FAM177B: variants seen among roughly 807,000 people sequenced by gnomAD.
The protein encoded by FAM177B is family with sequence similarity 177 member B.
FAM177B carries 16 observed loss-of-function variants against 16.1 expected under a neutral mutation model. That is an observed-to-expected ratio of 0.99 (90% confidence interval 0.67 to 1.51). The LOEUF (loss-of-function observed/expected upper bound fraction) is 1.51, where lower values mean the gene tolerates loss of function less well. Ranked by LOEUF, FAM177B falls within the 40% of genes most tolerant of loss-of-function variation. The pLI, the probability that FAM177B is intolerant of heterozygous loss-of-function variation, is 0.00. For synonymous variants in FAM177B, 56 were observed against 59.9 expected (o/e 0.93, Z 0.30); for missense variants, 178 against 183.7 (o/e 0.97, Z 0.18).
chr1:222,743,217 G>C (rs1036423319), intron 2 of FAM177B, among the ~76,000 whole-genome samples: 2 of 152,004 alleles, frequency 1.3e-5, no homozygotes, highest in African/African-American at 4.8e-5. Flanking sequence ...GCATGATCTC[G>C]GCTCACTGCA....
At position 222,740,132 on chromosome 1, in the gene FAM177B, T is replaced by C. The variant is rs145332107; in HGVS notation, c.-16+2111T>C. 1.5e-3 allele frequency among the ~76,000 whole-genome samples: 224 copies of C among 152,346 alleles called. 6 individuals carry two copies. The South Asian group carries it at 0.021, about 14-fold the overall frequency. On this transcript the variant is annotated intron_variant, in intron 2 of 5. Transcript: ENST00000445590. Reference sequence around the variant, plus strand: ...AGATACCACATCACCTTGCTGTGGATGACAAATGTAACCTTTGGCAGATCT... The same window carrying C: ...AGATACCACATCACCTTGCTGTGGACGACAAATGTAACCTTTGGCAGATCT...
In FAM177B at chr1:222,750,251, G is replaced by A. The variant is rs1389286838; in HGVS notation, c.*193G>A. On this transcript the variant is annotated 3_prime_UTR_variant, in exon 6 of 6. Coordinates refer to ENST00000445590, the MANE Select transcript of FAM177B (RefSeq NM_001394345.1). ...GCATCCAGGAATTACAAGCAATAAT[G>A]AGAGTAATTTTGGACACTTTCTCAG... The A allele has an allele frequency of 3.6e-6, 5 of 1,388,434 alleles. No homozygotes were observed. The highest frequency in any genetic ancestry group is 4.6e-6 in the Non-Finnish European group (5 of 1,076,512). 86.0% of individuals were successfully genotyped at this position (1,388,434 alleles called of 1,614,324 possible).
At chr1:222,743,174 G>A (rs1307486080) in intron 2 of FAM177B, among the ~76,000 whole-genome samples, 1 of 152,062 alleles carries the variant, frequency 6.6e-6, no homozygotes, top group African/African-American at 2.4e-5. Flanking sequence ...TTGAGACAGT[G>A]TCTCACTCTG....
chr1:222,746,511 C>T lies in FAM177B; in HGVS notation c.-15-20C>T, dbSNP rs190923475. ...GCTCTGGGTAACTTGCCCTAAGGTG[C>T]CCTGTTTTTAATTTTCTAGTTGTTT... On this transcript the variant is annotated intron_variant, in intron 2 of 5. Transcript: ENST00000445590. 2.0e-4 allele frequency: 277 copies of T among 1,415,350 alleles called. No individual in the cohort carries two copies. The highest frequency in any genetic ancestry group is 1.3e-3 in the Admixed American group (69 of 53,046). The allele number at this position is 1,415,350 out of a possible 1,614,324, so 87.7% of individuals were successfully genotyped here. A position where few individuals can be genotyped will look rare whatever the true frequency, so the allele number is the denominator to read the frequency against.
chr1:222,739,281 C>G (rs931385217), intron 2 of FAM177B, among the ~76,000 whole-genome samples: 1 of 152,070 alleles, frequency 6.6e-6, no homozygotes, highest in Non-Finnish European at 1.5e-5. Flanking sequence ...AGCAAGAAAG[C>G]CTCTTGGAAA....
rs1328267429 is a variant in FAM177B, at chr1:222,750,740, A to G, written c.*682A>G. ...CCTGGAAAGATCGAACATGGAAATC[A>G]TTGTTAGATAACACAGGGTGTGCTG... On this transcript the variant is annotated 3_prime_UTR_variant, in exon 6 of 6. Coordinates refer to ENST00000445590, the MANE Select transcript of FAM177B (RefSeq NM_001394345.1). The G allele has an allele frequency of 1.4e-5, 4 of 288,778 alleles. No individual in the cohort carries two copies. The highest frequency in any genetic ancestry group is 2.1e-5 in the Non-Finnish European group (4 of 193,516). 17.9% of individuals were successfully genotyped at this position (288,778 alleles called of 1,614,324 possible).
At chr1:222,739,129 A>G (rs1381240098) in intron 2 of FAM177B, among the ~76,000 whole-genome samples, 1 of 152,198 alleles carries the variant, frequency 6.6e-6, no homozygotes. Context: ...CGTATGTTTC[A>G]TTTGGTTTGG....
At position 222,746,702 on chromosome 1, in the gene FAM177B, A is replaced by G; in HGVS notation, c.157A>G (p.Asn53Asp). 6.2e-7 allele frequency: 1 copy of G among 1,611,696 alleles called. No homozygotes were observed. Among genetic ancestry groups the G allele is most frequent in the Non-Finnish European group, 8.5e-7 (1 of 1,178,606 alleles). Reference protein sequence around the residue: ...EEEEKEEQSTNSTLDPSKLSW... With the variant: ...EEEEKEEQSTDSTLDPSKLSW... Reference sequence around the variant, plus strand: ...AGAGGAAAAGGAGGAGCAGAGCACAAATTCAACACTTGACCCTGTAAGCTT... The same window carrying G: ...AGAGGAAAAGGAGGAGCAGAGCACAGATTCAACACTTGACCCTGTAAGCTT... The change falls in exon 3 of 6, where the codon AAT (asparagine) becomes GAT (aspartate). Residue 53 changes from asparagine to aspartate, a missense_variant. Coordinates refer to ENST00000445590, the MANE Select transcript of FAM177B (RefSeq NM_001394345.1).
intron 2 of FAM177B, chr1:222,742,566 G>C (rs1222748290): frequency 6.6e-6 from 1 of 152,116 alleles, no homozygotes; most frequent in Non-Finnish European, 1.5e-5. Context: ...GCAAGATAAT[G>C]TCCTGTCTTC....
Position 222,747,005 on chromosome 1 carries a change from CT to C in FAM177B, c.175-4del. 6.3e-7 allele frequency: 1 copy of C among 1,593,640 alleles called. No individual in the cohort carries two copies. The highest frequency in any genetic ancestry group is 8.6e-7 in the Non-Finnish European group (1 of 1,161,504). On this transcript the variant is annotated splice_polypyrimidine_tract_variant and intron_variant, in intron 3 of 5. Transcript: ENST00000445590. ...ATTAACTACTCTATCTCAATTTCTCCTTTTTTCAGTCTAAACTTTCCTGGGG... is the reference window on the plus strand; with the variant it reads ...ATTAACTACTCTATCTCAATTTCTCCTTTTTCAGTCTAAACTTTCCTGGGG...
chr1:222,737,602 C>T (rs1466839072), intron 1 of FAM177B, among the ~76,000 whole-genome samples: 2 of 152,076 alleles, frequency 1.3e-5, no homozygotes, highest in South Asian at 2.1e-4. Context: ...TACAAGATGG[C>T]GTCAGAAAGC....
At chr1:222,744,871 C>T (rs1186206584) in intron 2 of FAM177B, among the ~76,000 whole-genome samples, 3 of 152,186 alleles carry the variant, frequency 2.0e-5, no homozygotes, top group Non-Finnish European at 4.4e-5. Flanking sequence ...AAGTAACCGA[C>T]ATTATGATCA....
chr1:222,749,370 T>C, intron 4 of FAM177B, 95 bp from the exon 5 acceptor site: 1 of 684,364 alleles, frequency 1.5e-6, no homozygotes, highest in East Asian at 2.6e-5. Context: ...CCACTATTAC[T>C]ATACTATCAG....
Position 222,743,137 on chromosome 1 carries a change from CTTTGTT to C in FAM177B, c.-15-3372_-15-3367del, listed in dbSNP as rs376849610. The stretch of plus-strand genomic sequence containing the variant: ...CACATCCTCAGCAGGCATTTGTTGG[CTTTGTT>C]TTTGTTTTTGTTTTTGTTTTTTGAG... On this transcript the variant is annotated intron_variant, in intron 2 of 5. Transcript: ENST00000445590. Among the ~76,000 whole-genome samples the C allele has an allele frequency of 7.1e-3, 1,076 of 151,984 alleles. 8 individuals are homozygous for C. Among genetic ancestry groups the C allele is most frequent in the African/African-American group, 0.024 (989 of 41,456 alleles).
At position 222,750,027 on chromosome 1, in the gene FAM177B, A is replaced by T. The variant is rs893334575; in HGVS notation, c.446A>T (p.Gln149Leu). The T allele has an allele frequency of 7.4e-6, 12 of 1,613,958 alleles. No homozygotes were observed. The highest frequency in any genetic ancestry group is 1.0e-5 in the Non-Finnish European group (12 of 1,179,986). The part of the protein sequence containing the change: ...EAGVQEYGTI[Q>L]QDVTEAIPQ ...GGGGTCCAAGAGTATGGAACCATAC[A>T]ACAGGATGTGACAGAGGCCATTCCT... The change falls in exon 6 of 6, where the codon CAA (glutamine) becomes CTA (leucine). Residue 149 changes from glutamine (Q) to leucine (L), a missense_variant. By Grantham distance (113) the Gln-to-Leu change is moderately radical. Coordinates refer to ENST00000445590, the MANE Select transcript of FAM177B (RefSeq NM_001394345.1).
At chr1:222,746,916 A>G in intron 3 of FAM177B, 99 bp from the exon 4 acceptor site, 1 of 964,670 alleles carries the variant, frequency 1.0e-6, no homozygotes, top group Non-Finnish European at 1.7e-6. Context: ...AGAAAATGGA[A>G]CATATTATAT....
intron 4 of FAM177B, among the ~76,000 whole-genome samples, chr1:222,748,373 G>T (rs1389244674): frequency 1.3e-5 from 2 of 152,214 alleles, no homozygotes; most frequent in African/African-American, 2.4e-5. Context: ...TGGAGAAGAA[G>T]AATGATTTGC....
At chr1:222,747,433 G>A (rs763353702) in intron 4 of FAM177B, 27 of 185,286 alleles carry the variant, frequency 1.5e-4, no homozygotes, top group Non-Finnish European at 2.5e-4. Flanking sequence ...CTCTTCTTCT[G>A]AATAAACTTC....
chr1:222,739,313 C>T (rs1658422718), intron 2 of FAM177B, among the ~76,000 whole-genome samples: 1 of 152,178 alleles, frequency 6.6e-6, no homozygotes. Flanking sequence ...AGATGTCTTA[C>T]AACTAGCCTG....
Sources: gnomAD v4.1 joint callset for allele counts (sites outside exome capture counted in the v4.1 genomes callset) on GRCh38, gnomAD v4.1.1 for gene constraint, MANE v1.5 for transcripts, NCBI Gene and HGNC (gene_info 2026-07-23, HGNC 2026-07-21) for gene names.